The following R3HCC1L variants were observed in gnomAD, a reference collection of about 807,000 sequenced individuals.
The protein encoded by R3HCC1L is coiled-coil domain-containing protein R3HCC1L.
A neutral mutation model predicts 59.9 loss-of-function variants in R3HCC1L; 51 were observed. That is an observed-to-expected ratio of 0.85 (90% CI 0.68 to 1.07). The LOEUF (loss-of-function observed/expected upper bound fraction) is 1.07. Among genes scored for constraint, R3HCC1L ranks in the 50% least tolerant of loss-of-function variants. R3HCC1L has a pLI of 0.00. For missense variants in R3HCC1L, 965 were observed against 933.0 expected, an observed-to-expected ratio of 1.03 and a Z score of -0.45; for synonymous variants, 322 against 315.2, an observed-to-expected ratio of 1.02 and a Z score of -0.23.
intron 1 of R3HCC1L, among the ~76,000 whole-genome samples, chr10:98,137,979 A>G (rs575255233): frequency 1.3e-5 from 2 of 152,270 alleles, no homozygotes; most frequent in East Asian, 1.9e-4. Flanking sequence ...CATTTTTTCA[A>G]GATGGCATTT....
intron 5 of R3HCC1L, among the ~76,000 whole-genome samples, chr10:98,225,307 C>T (rs1855547458): frequency 6.6e-6 from 1 of 152,248 alleles, no homozygotes; most frequent in Non-Finnish European, 1.5e-5. Context: ...TCCCTCTTCA[C>T]AGCCTTTCTT....
At chr10:98,146,478 T>G (rs2133939331) in intron 1 of R3HCC1L, among the ~76,000 whole-genome samples, 1 of 152,302 alleles carries the variant, frequency 6.6e-6, no homozygotes, top group East Asian at 1.9e-4. Context: ...CCCCACCCCT[T>G]CTTGGCTTCT....
chr10:98,207,440 TCCTC>T (rs1852818220), intron 4 of R3HCC1L, among the ~76,000 whole-genome samples: 8 of 152,180 alleles, frequency 5.3e-5, no homozygotes, highest in Admixed American at 5.2e-4. Context: ...TGGTCTTCTA[TCCTC>T]CTTCATCCTA....
chr10:98,207,394 G>T (rs1267843535), intron 4 of R3HCC1L, among the ~76,000 whole-genome samples: 1 of 152,100 alleles, frequency 6.6e-6, no homozygotes, highest in Non-Finnish European at 1.5e-5. Context: ...GGTTGTCAGG[G>T]AGTTACTAGA....
intron 1 of R3HCC1L, among the ~76,000 whole-genome samples, chr10:98,139,982 G>T (rs1844986118): frequency 6.6e-6 from 1 of 151,736 alleles, no homozygotes; most frequent in South Asian, 2.1e-4. Flanking sequence ...AACTGAACAT[G>T]AGGATACGGA....
At chr10:98,156,070 A>G (rs1846840994) in intron 1 of R3HCC1L, 23 bp from the exon 2 acceptor site, 1 of 148,848 alleles carries the variant, frequency 6.7e-6, no homozygotes, top group Admixed American at 6.7e-5. Flanking sequence ...TTTTTTTTTA[A>G]TTCTTGGAAA....
chr10:98,195,380 C>T (rs1458042275), intron 4 of R3HCC1L, among the ~76,000 whole-genome samples: 1 of 151,078 alleles, frequency 6.6e-6, no homozygotes, highest in African/African-American at 2.4e-5. Context: ...TGTCATACAA[C>T]AATATGCATA....
At chr10:98,211,532 T>TA (rs1204945345) in intron 5 of R3HCC1L, among the ~76,000 whole-genome samples, 1 of 152,134 alleles carries the variant, frequency 6.6e-6, no homozygotes, top group African/African-American at 2.4e-5. Context: ...GAGAAGGCTT[T>TA]AGTCTGAGAA....
intron 5 of R3HCC1L, among the ~76,000 whole-genome samples, chr10:98,220,685 A>G (rs1034633354): frequency 1.3e-5 from 2 of 150,986 alleles, no homozygotes; most frequent in African/African-American, 2.4e-5. Context: ...AATTTCATCC[A>G]TGTCCCTACA....
intron 1 of R3HCC1L, among the ~76,000 whole-genome samples, chr10:98,141,899 A>G (rs1348630153): frequency 6.6e-6 from 1 of 152,232 alleles, no homozygotes; most frequent in African/African-American, 2.4e-5. Context: ...TGCTTCTCAC[A>G]GGAGTGTCAG....
chr10:98,188,975 TAAAATAGTCA>T (rs1256940443), intron 4 of R3HCC1L, among the ~76,000 whole-genome samples: 1 of 152,144 alleles, frequency 6.6e-6, no homozygotes, highest in Non-Finnish European at 1.5e-5. Flanking sequence ...ATTTTGAACA[TAAAATAGTCA>T]AGTGAGTTGT....
At chr10:98,165,626 G>A (rs1847870508) in intron 4 of R3HCC1L, among the ~76,000 whole-genome samples, 1 of 152,198 alleles carries the variant, frequency 6.6e-6, no homozygotes, top group South Asian at 2.1e-4. Context: ...ATTGTGGAGT[G>A]GAATTTAATG....
intron 5 of R3HCC1L, among the ~76,000 whole-genome samples, chr10:98,220,990 CACCA>C (rs1456310910): frequency 2.5e-4 from 37 of 146,634 alleles, no homozygotes; most frequent in Middle Eastern, 7.3e-3. Flanking sequence ...TTTACAGTCC[CACCA>C]ACAGTGTAAA....
At chr10:98,157,579 T>C (rs1427969195) in intron 2 of R3HCC1L, among the ~76,000 whole-genome samples, 2 of 152,192 alleles carry the variant, frequency 1.3e-5, no homozygotes, top group Non-Finnish European at 2.9e-5. Context: ...TGATGGTAAA[T>C]TGGGTTGAGT....
At chr10:98,171,071 A>G (rs559352254) in intron 4 of R3HCC1L, among the ~76,000 whole-genome samples, 12 of 152,318 alleles carry the variant, frequency 7.9e-5, no homozygotes, top group Non-Finnish European at 1.5e-4. Context: ...ATAGGCATGC[A>G]CACAACACTT....
chr10:98,212,806 C>G (rs1015964776), intron 5 of R3HCC1L, among the ~76,000 whole-genome samples: 2 of 152,108 alleles, frequency 1.3e-5, no homozygotes, highest in African/African-American at 4.8e-5. Flanking sequence ...GCATTTGTTA[C>G]CTTCATTGTC....
At position 98,236,013 on chromosome 10, in the gene R3HCC1L, C is replaced by A; in HGVS notation, c.2129-11C>A. 2 of 1,611,438 alleles carry A rather than the reference C, an allele frequency of 1.2e-6. No homozygotes were observed. Among genetic ancestry groups the A allele is most frequent in the Non-Finnish European group, 1.7e-6 (2 of 1,178,238 alleles). On this transcript the variant is annotated splice_polypyrimidine_tract_variant and intron_variant, in intron 8 of 9. Coordinates refer to ENST00000298999, the MANE Select transcript of R3HCC1L (RefSeq NM_001351015.2). ...TGACTCCTTCCTACTCCCTTCCTTT[C>A]TTCGATTCAGAGTTCCTCCAGCCAG...
intron 4 of R3HCC1L, among the ~76,000 whole-genome samples, chr10:98,184,614 C>T (rs558958852): frequency 2.0e-5 from 3 of 152,302 alleles, no homozygotes; most frequent in African/African-American, 7.2e-5. Context: ...TTACGTGACA[C>T]ATGACTGTAG....
chr10:98,236,837 T>C (rs1267807410), intron 9 of R3HCC1L, among the ~76,000 whole-genome samples: 1 of 152,216 alleles, frequency 6.6e-6, no homozygotes, highest in Non-Finnish European at 1.5e-5. Context: ...GGCTTGGGAC[T>C]CTGGTGTGGC....
Sources: gnomAD v4.1 joint callset for allele counts (sites outside exome capture counted in the v4.1 genomes callset) on GRCh38, gnomAD v4.1.1 for gene constraint, MANE v1.5 for transcripts, NCBI Gene and HGNC (gene_info 2026-07-23, HGNC 2026-07-21) for gene names.